PIGL: variants seen among roughly 807,000 people sequenced by gnomAD.
The protein encoded by PIGL is phosphatidylinositol glycan anchor biosynthesis class L.
Under a neutral mutation model 31.1 loss-of-function variants are expected in PIGL, and 22 were observed. The observed-to-expected ratio is 0.71, with a 90% CI of 0.51 to 1.01. The LOEUF (loss-of-function observed/expected upper bound fraction) is 1.01. Among genes scored for constraint, PIGL ranks in the 50% least tolerant of loss-of-function variants. PIGL has a pLI of 0.00. For missense variants in PIGL, 302 were observed against 315.9 expected (o/e 0.96, Z 0.33); for synonymous variants, 131 against 117.4 (o/e 1.12, Z -0.75).
Position 16,252,048 on chromosome 17 carries a change from G to T in PIGL, c.335+17978G>T, listed in dbSNP as rs187826484. On this transcript the variant is annotated intron_variant, in intron 2 of 6. Coordinates refer to ENST00000225609, the MANE Select transcript of PIGL (RefSeq NM_004278.4). ...AACAAAAACACGAATTTCTCTATGC[G>T]CAGATAATTTTTTTTTCCTTTTTTT... 3.5e-4 allele frequency among the ~76,000 whole-genome samples: 48 copies of T among 137,490 alleles called. 1 individual carries two copies. The highest frequency in any genetic ancestry group is 7.5e-3 in the Middle Eastern group (2 of 268). 90.2% of individuals were successfully genotyped at this position (137,490 alleles called of 152,430 possible). A position where few individuals can be genotyped will look rare whatever the true frequency, so the allele number is the denominator to read the frequency against.
intron 2 of PIGL, 102 bp from the exon 3 acceptor site, chr17:16,299,786 C>T (rs2092996560): frequency 1.2e-6 from 1 of 812,386 alleles, no homozygotes; most frequent in Admixed American, 1.8e-5. Context: ...GACCCTTACC[C>T]CCAATGTAAC....
At position 16,217,534 on chromosome 17, in the gene PIGL, CCTT is replaced by C. The variant is rs2092593999; in HGVS notation, c.235+79_235+81del. On this transcript the variant is annotated intron_variant, in intron 1 of 6. Coordinates refer to ENST00000225609, the MANE Select transcript of PIGL (RefSeq NM_004278.4). ...TTTAAGTGCTAACCGATCTCAGTCG[CCTT>C]CTTCTCGAAGTTTTCCGTAGGGAGC... The C allele has an allele frequency of 4.1e-6, 5 of 1,223,988 alleles. No homozygotes were observed. The Admixed American group carries it at 5.8e-5, about 14-fold the overall frequency. 75.8% of individuals were successfully genotyped at this position (1,223,988 alleles called of 1,614,324 possible). A position where few individuals can be genotyped will look rare whatever the true frequency, so the allele number is the denominator to read the frequency against.
At chr17:16,276,804 C>T (rs781453351) in intron 2 of PIGL, among the ~76,000 whole-genome samples, 2 of 152,180 alleles carry the variant, frequency 1.3e-5, no homozygotes, top group Non-Finnish European at 2.9e-5. Flanking sequence ...TGAAACATAA[C>T]GTTTTTCTCT....
intron 2 of PIGL, chr17:16,279,675 G>A (rs193177431): frequency 1.3e-5 from 2 of 152,294 alleles, no homozygotes; most frequent in Admixed American, 1.3e-4. Flanking sequence ...ATCTCAGACT[G>A]ATGTGTCTAT....
intron 2 of PIGL, among the ~76,000 whole-genome samples, chr17:16,265,851 A>G (rs1295555209): frequency 6.6e-6 from 1 of 152,078 alleles, no homozygotes; most frequent in East Asian, 1.9e-4. Flanking sequence ...CCATGCCCTG[A>G]AGAGCATTAT....
At chr17:16,268,371 CTCTTT>C (rs2092854511) in intron 2 of PIGL, among the ~76,000 whole-genome samples, 1 of 124,344 alleles carries the variant, frequency 8.0e-6, no homozygotes, top group Non-Finnish European at 1.9e-5. Context: ...CTTCCTCTTC[CTCTTT>C]TAAGTGAAAC....
chr17:16,264,860 C>G (rs900586594), intron 2 of PIGL, among the ~76,000 whole-genome samples: 1 of 152,124 alleles, frequency 6.6e-6, no homozygotes, highest in Non-Finnish European at 1.5e-5. Flanking sequence ...CTCCTGACCT[C>G]AGGTGACCCG....
intron 6 of PIGL, among the ~76,000 whole-genome samples, chr17:16,324,945 A>C (rs2093120933): frequency 6.6e-6 from 1 of 152,134 alleles, no homozygotes; most frequent in Admixed American, 6.6e-5. Context: ...GGACCTCCCC[A>C]AACGACCTAA....
intron 1 of PIGL, among the ~76,000 whole-genome samples, chr17:16,225,116 T>C (rs778691380): frequency 6.6e-5 from 10 of 152,202 alleles, no homozygotes; most frequent in Non-Finnish European, 1.3e-4. Context: ...ATAATTAAGG[T>C]CTTAAATGTG....
Position 16,316,691 on chromosome 17 carries a change from T to C in PIGL, c.505T>C (p.Ser169Pro), listed in dbSNP as rs768918863. The C allele has an allele frequency of 6.2e-7, 1 of 1,605,358 alleles. No individual in the cohort carries two copies. Among genetic ancestry groups the C allele is most frequent in the South Asian group, 1.1e-5 (1 of 90,640 alleles). The change falls in exon 5 of 7, where the codon TCA becomes CCA. Residue 169 changes from serine to proline, a missense_variant. By Grantham distance (74) the Ser-to-Pro change is moderately conservative. Coordinates refer to ENST00000225609, the MANE Select transcript of PIGL (RefSeq NM_004278.4). ...ALYAAVRALH[S>P]EGKLPKGCSV... ...CTATCCCTCCTCCAGGGCCCTGCAC[T>C]CAGAAGGGAAGTTACCTAAAGGTAA...
At chr17:16,296,271 C>T (rs899832076) in intron 2 of PIGL, among the ~76,000 whole-genome samples, 1 of 152,026 alleles carries the variant, frequency 6.6e-6, no homozygotes, top group Non-Finnish European at 1.5e-5. Context: ...AATCATAAAC[C>T]GCTTGTAGAA....
chr17:16,222,501 C>G (rs949239387), intron 1 of PIGL, among the ~76,000 whole-genome samples: 1 of 151,542 alleles, frequency 6.6e-6, no homozygotes, highest in African/African-American at 2.4e-5. Flanking sequence ...TTCCATTATA[C>G]AAGTATGGGA....
intron 2 of PIGL, among the ~76,000 whole-genome samples, chr17:16,266,592 A>C (rs913939905): frequency 3.3e-5 from 5 of 151,168 alleles, no homozygotes; most frequent in African/African-American, 1.2e-4. Flanking sequence ...TGCTCAACAG[A>C]TAATAGTTTC....
intron 2 of PIGL, among the ~76,000 whole-genome samples, chr17:16,243,862 C>G (rs985245500): frequency 1.3e-5 from 2 of 152,196 alleles, no homozygotes; most frequent in African/African-American, 2.4e-5. Context: ...GAGTAATTCA[C>G]GCAGAGCTGC....
At chr17:16,323,731 G>T (rs2093115757) in intron 6 of PIGL, among the ~76,000 whole-genome samples, 1 of 148,684 alleles carries the variant, frequency 6.7e-6, no homozygotes, top group Non-Finnish European at 1.5e-5. Context: ...TCCTGCCTCA[G>T]CCTCCTGCGT....
intron 2 of PIGL, among the ~76,000 whole-genome samples, chr17:16,238,229 T>C (rs1257192848): frequency 3.4e-5 from 5 of 147,462 alleles, no homozygotes; most frequent in African/African-American, 7.5e-5. Flanking sequence ...TAATAAAACA[T>C]GAAAGAAGGG....
rs143806650 is a variant in PIGL, at chr17:16,288,209, CTCTT to C, written c.336-11668_336-11665del. On this transcript the variant is annotated intron_variant, in intron 2 of 6. Transcript: ENST00000225609. ...CCTTCCTTCCTTCCTTCCTTTCTTT[CTCTT>C]TCTTTCTTTCGAGACGAAGTCTCAC... 4.5e-3 allele frequency among the ~76,000 whole-genome samples: 679 copies of C among 152,012 alleles called. 8 individuals carry two copies. Among genetic ancestry groups the C allele is most frequent in the African/African-American group, 0.015 (634 of 41,450 alleles).
At chr17:16,277,542 GT>G (rs36030857) in intron 2 of PIGL, among the ~76,000 whole-genome samples, 66,837 of 152,014 alleles carry the variant, frequency 0.44, 15,332 homozygotes, top group Middle Eastern at 0.54. Flanking sequence ...TCAGTCTTCT[GT>G]TAGGTCAATC....
chr17:16,248,002 C>T (rs1282407036), intron 2 of PIGL, among the ~76,000 whole-genome samples: 10 of 152,148 alleles, frequency 6.6e-5, no homozygotes, highest in Non-Finnish European at 1.2e-4. Context: ...ATTCTCCTGC[C>T]TCAGCCTCCC....
Sources: allele counts gnomAD v4.1 joint callset (sites outside exome capture counted in the v4.1 genomes callset), GRCh38; gene constraint gnomAD v4.1.1; transcripts MANE v1.5; gene names NCBI Gene and HGNC (gene_info 2026-07-23, HGNC 2026-07-21).